The following ZZZ3 variants were observed in gnomAD, a reference collection of about 807,000 sequenced individuals.
ZZZ3 encodes zinc finger ZZ-type containing 3, also known as ZZ-type zinc finger-containing protein 3.
Under a neutral mutation model 95.2 loss-of-function variants are expected in ZZZ3, and 22 were observed. The observed-to-expected ratio is 0.23, with a 90% CI of 0.17 to 0.33. ZZZ3 has a LOEUF of 0.33. Ranked by LOEUF, ZZZ3 falls within the 10% of genes least tolerant of loss-of-function variation. ZZZ3 has a pLI of 1.00. For synonymous variants in ZZZ3, 335 were observed against 358.9 expected, an observed-to-expected ratio of 0.93 and a Z score of 0.75; for missense variants, 885 against 1,066.5, an observed-to-expected ratio of 0.83 and a Z score of 2.37.
intron 5 of ZZZ3, among the ~76,000 whole-genome samples, chr1:77,619,262 C>CA (rs2100776583): frequency 6.6e-6 from 1 of 152,268 alleles, no homozygotes; most frequent in East Asian, 1.9e-4. Context: ...CAACATACCT[C>CA]AAATATAGCC....
intron 1 of ZZZ3, among the ~76,000 whole-genome samples, chr1:77,657,100 C>G (rs366467): frequency 0.37 from 55,985 of 151,926 alleles, 11,818 homozygotes; most frequent in African/African-American, 0.57. Flanking sequence ...CATGCCTCAG[C>G]CTCCTGAGTA....
At chr1:77,573,568 TTAAA>T (rs1480151120) in intron 12 of ZZZ3, among the ~76,000 whole-genome samples, 1 of 152,216 alleles carries the variant, frequency 6.6e-6, no homozygotes, top group African/African-American at 2.4e-5. Flanking sequence ...AATAGTAAGT[TTAAA>T]TAAATATTTC....
chr1:77,624,103 T>C (rs1226233850), intron 5 of ZZZ3, among the ~76,000 whole-genome samples: 2 of 152,172 alleles, frequency 1.3e-5, no homozygotes, highest in East Asian at 3.8e-4. Flanking sequence ...AGTAAATATA[T>C]TGGTCTCTAC....
intron 5 of ZZZ3, among the ~76,000 whole-genome samples, chr1:77,625,906 A>C (rs1037134229): frequency 6.6e-6 from 1 of 151,972 alleles, no homozygotes; most frequent in Non-Finnish European, 1.5e-5. Context: ...CTGAGGCAGG[A>C]GAATCACTTG....
chr1:77,623,325 T>A (rs565830289), intron 5 of ZZZ3, among the ~76,000 whole-genome samples: 5 of 152,106 alleles, frequency 3.3e-5, no homozygotes, highest in African/African-American at 1.2e-4. Context: ...AACAATGCTA[T>A]CTGCATAGAG....
intron 1 of ZZZ3, among the ~76,000 whole-genome samples, chr1:77,680,475 T>C (rs1570691744): frequency 6.6e-6 from 1 of 152,342 alleles, no homozygotes; most frequent in East Asian, 1.9e-4. Flanking sequence ...CACTCACTTC[T>C]ATTCCTCAAC....
chr1:77,584,587 T>C lies in ZZZ3; in HGVS notation c.1574A>G (p.Glu525Gly), dbSNP rs767722514. Reference protein sequence around the residue: ...AQRSQAVQDLESLGRHQREAL... With the variant: ...AQRSQAVQDLGSLGRHQREAL... ...TTCTCTCTGGTGCCTGCCTAAACTTTCAAGGTCTTGGACTGCTTGAGAACG... is the reference window on the plus strand; with the variant it reads ...TTCTCTCTGGTGCCTGCCTAAACTTCCAAGGTCTTGGACTGCTTGAGAACG... The change falls in exon 6 of 15, where the codon GAA becomes GGA. Residue 525 changes from glutamate (E) to glycine (G), a missense_variant. This residue lies in a region of ZZZ3 where 556 missense variants were observed against 652.9 expected (regional missense o/e 0.85). Coordinates refer to ENST00000370801, the MANE Select transcript of ZZZ3 (RefSeq NM_015534.6). 1.2e-6 allele frequency: 2 copies of C among 1,613,396 alleles called. No individual in the cohort carries two copies. Among genetic ancestry groups the C allele is most frequent in the South Asian group, 1.1e-5 (1 of 90,954 alleles).
intron 4 of ZZZ3, among the ~76,000 whole-genome samples, chr1:77,635,043 C>T (rs1449679671): frequency 6.6e-6 from 1 of 152,118 alleles, no homozygotes; most frequent in East Asian, 1.9e-4. Context: ...CTGACTCCTA[C>T]CCCTAAAAAT....
intron 1 of ZZZ3, among the ~76,000 whole-genome samples, chr1:77,654,287 T>C (rs1670076623): frequency 6.6e-6 from 1 of 151,904 alleles, no homozygotes; most frequent in African/African-American, 2.4e-5. Context: ...ACTATGCCAC[T>C]TGATATACAT....
At position 77,632,951 on chromosome 1, in the gene ZZZ3, G is replaced by T. The variant is rs1263548439; in HGVS notation, c.404C>A (p.Ser135Tyr). 6.2e-7 allele frequency: 1 copy of T among 1,614,122 alleles called. No homozygotes were observed. Among genetic ancestry groups the T allele is most frequent in the Non-Finnish European group, 8.5e-7 (1 of 1,180,024 alleles). Reference protein sequence around the residue: ...SEAPNSSEEDSPIKSDKESVE... With the variant: ...SEAPNSSEEDYPIKSDKESVE... ...TGACTCCTTGTCTGATTTTATAGGA[G>T]AATCTTCTTCTGAACTGTTTGGTGC... Residue 135 changes from serine to tyrosine, a missense_variant, in exon 5 of 15, where the codon TCT becomes TAT. Ser to Tyr is a moderately radical substitution (Grantham distance 144). Transcript: ENST00000370801.
At chr1:77,612,830 CA>C (rs1001749947) in intron 5 of ZZZ3, among the ~76,000 whole-genome samples, 5 of 151,704 alleles carry the variant, frequency 3.3e-5, no homozygotes, top group Non-Finnish European at 7.4e-5. Context: ...TCAAAGGATA[CA>C]AAATTGTAGA....
intron 5 of ZZZ3, among the ~76,000 whole-genome samples, chr1:77,592,921 G>A (rs1206728973): frequency 1.3e-5 from 2 of 152,084 alleles, no homozygotes; most frequent in Non-Finnish European, 2.9e-5. Context: ...GTTATTACGA[G>A]GTAAAGATCC....
chr1:77,617,998 T>G (rs1012078963), intron 5 of ZZZ3, among the ~76,000 whole-genome samples: 6 of 152,096 alleles, frequency 3.9e-5, no homozygotes, highest in African/African-American at 1.4e-4. Flanking sequence ...ATTCTATGTT[T>G]AACTTATTGA....
chr1:77,627,589 T>C (rs750308543), intron 5 of ZZZ3, among the ~76,000 whole-genome samples: 9 of 152,198 alleles, frequency 5.9e-5, no homozygotes, highest in Non-Finnish European at 1.3e-4. Flanking sequence ...GGACATATTA[T>C]AATTATTTAC....
At chr1:77,598,356 C>T (rs2100657493) in intron 5 of ZZZ3, among the ~76,000 whole-genome samples, 1 of 152,092 alleles carries the variant, frequency 6.6e-6, no homozygotes, top group Admixed American at 6.6e-5. Flanking sequence ...CTTCATTATC[C>T]TCACATTGAA....
chr1:77,623,120 G>C (rs941285377), intron 5 of ZZZ3, among the ~76,000 whole-genome samples: 1 of 152,152 alleles, frequency 6.6e-6, no homozygotes, highest in South Asian at 2.1e-4. Flanking sequence ...GCATGTAACT[G>C]TGATCTGTGA....
At position 77,632,470 on chromosome 1, in the gene ZZZ3, C is replaced by G; in HGVS notation, c.885G>C (p.Leu295=). The G allele has an allele frequency of 1.2e-6, 2 of 1,614,140 alleles. No individual in the cohort carries two copies. The highest frequency in any genetic ancestry group is 2.2e-5 in the South Asian group (2 of 91,080). ...ACLPVEHVNQ[L]TTEPATGPFS... ...AGGGCCCTGTAGCTGGCTCAGTAGT[C>G]AGCTGATTAACATGTTCCACAGGCA... The change falls in exon 5 of 15, where the codon CTG becomes CTC. Residue 295 remains leucine, a synonymous_variant. Transcript: ENST00000370801.
At chr1:77,629,359 T>C (rs1557741071) in intron 5 of ZZZ3, among the ~76,000 whole-genome samples, 1 of 152,188 alleles carries the variant, frequency 6.6e-6, no homozygotes, top group African/African-American at 2.4e-5. Flanking sequence ...GGTTCATGCC[T>C]GTAATCCCAG....
intron 1 of ZZZ3, among the ~76,000 whole-genome samples, chr1:77,662,163 A>AC (rs1670854371): frequency 1.3e-5 from 2 of 151,966 alleles, no homozygotes; most frequent in South Asian, 4.2e-4. Flanking sequence ...ACAGGCACAC[A>AC]CCACCACACC....
Sources: allele counts gnomAD v4.1 joint callset (sites outside exome capture counted in the v4.1 genomes callset), GRCh38; gene constraint gnomAD v4.1.1; regional missense constraint gnomAD v4.1.1; transcripts MANE v1.5; gene names NCBI Gene and HGNC (gene_info 2026-07-23, HGNC 2026-07-21).